Variants in SBF2 observed in about 807,000 individuals in gnomAD.
SBF2 encodes myotubularin-related protein 13.
Under a neutral mutation model 225.2 loss-of-function variants are expected in SBF2, and 112 were observed. The observed-to-expected ratio is 0.50, with a 90% confidence interval of 0.43 to 0.58. The LOEUF (loss-of-function observed/expected upper bound fraction) is 0.58. Ranked by LOEUF, SBF2 falls within the 20% of genes least tolerant of loss-of-function variation. The pLI, the probability that SBF2 is intolerant of heterozygous loss-of-function variation, is 0.00. For synonymous variants in SBF2, 763 were observed against 773.3 expected, an observed-to-expected ratio of 0.99 and a Z score of 0.22; for missense variants, 1,996 against 2,206.2, an observed-to-expected ratio of 0.90 and a Z score of 1.91.
At chr11:10,087,791 T>C (rs1303614424) in intron 2 of SBF2, among the ~76,000 whole-genome samples, 1 of 152,224 alleles carries the variant, frequency 6.6e-6, no homozygotes, top group South Asian at 2.1e-4. Context: ...CAATAGTGAC[T>C]GGAGTATTCC....
At chr11:10,070,922 A>G (rs1950841780) in intron 2 of SBF2, among the ~76,000 whole-genome samples, 1 of 152,102 alleles carries the variant, frequency 6.6e-6, no homozygotes, top group African/African-American at 2.4e-5. Flanking sequence ...CTTTGTAGCA[A>G]TTGTGAATGG....
intron 1 of SBF2, among the ~76,000 whole-genome samples, chr11:10,218,333 C>A (rs1290091289): frequency 9.5e-6 from 1 of 104,770 alleles, no homozygotes; most frequent in African/African-American, 3.4e-5. Flanking sequence ...CCCCCCCCCA[C>A]CCAATGATTC....
At chr11:9,875,734 A>G (rs910325820) in intron 17 of SBF2, among the ~76,000 whole-genome samples, 1 of 152,212 alleles carries the variant, frequency 6.6e-6, no homozygotes, top group African/African-American at 2.4e-5. Context: ...TATGCTGAAT[A>G]AGCTTCCCAA....
chr11:9,930,764 C>G (rs1012585888), intron 16 of SBF2, among the ~76,000 whole-genome samples: 3 of 152,204 alleles, frequency 2.0e-5, no homozygotes, highest in East Asian at 3.8e-4. Flanking sequence ...GTGGGTGCAG[C>G]CCACGGAGGG....
chr11:10,148,215 A>T (rs1447771813), intron 2 of SBF2, among the ~76,000 whole-genome samples: 1 of 152,164 alleles, frequency 6.6e-6, no homozygotes, highest in African/African-American at 2.4e-5. Flanking sequence ...GGTGGCGGTG[A>T]GCAGGAGTAT....
At chr11:10,038,746 T>C (rs1011399015) in intron 3 of SBF2, among the ~76,000 whole-genome samples, 3 of 152,018 alleles carry the variant, frequency 2.0e-5, no homozygotes, top group South Asian at 4.1e-4. Flanking sequence ...CTTTCTTTGA[T>C]GACAATTTGA....
chr11:9,818,588 G>A (rs1232618313), intron 28 of SBF2, among the ~76,000 whole-genome samples: 2 of 152,122 alleles, frequency 1.3e-5, no homozygotes. Flanking sequence ...TCTTTTCCTA[G>A]TATTAAAGTC....
At chr11:9,873,783 T>G (rs916242851) in intron 17 of SBF2, among the ~76,000 whole-genome samples, 1 of 152,188 alleles carries the variant, frequency 6.6e-6, no homozygotes, top group Non-Finnish European at 1.5e-5. Flanking sequence ...GCACGGTGGC[T>G]CACGCCTGTA....
At chr11:9,842,499 A>G (rs1468490278) in intron 25 of SBF2, 126 bp downstream of exon 25, 2 of 891,702 alleles carry the variant, frequency 2.2e-6, no homozygotes, top group Non-Finnish European at 3.6e-6. Flanking sequence ...GAAGCTGGTA[A>G]GTGCTTCCAT....
In SBF2 at chr11:9,856,564, G is replaced by C; in HGVS notation, c.2257C>G (p.Leu753Val). 6.2e-7 allele frequency: 1 copy of C among 1,614,088 alleles called. No individual in the cohort carries two copies. The highest frequency in any genetic ancestry group is 8.5e-7 in the Non-Finnish European group (1 of 1,180,016). Residue 753 changes from leucine to valine, a missense_variant, in exon 19 of 40, where the codon CTC (leucine) becomes GTC (valine). Transcript: ENST00000256190. ...AGTGGAACTAGCAGGTTCACCATGA[G>C]GTTTGCAAAGTGAATGGCCTGACTA... The part of the protein sequence containing the change: ...VFSQAIHFAN[L>V]MVNLLVPLDT...
chr11:10,109,283 A>C (rs576960589), intron 2 of SBF2, among the ~76,000 whole-genome samples: 1 of 152,328 alleles, frequency 6.6e-6, no homozygotes, highest in South Asian at 2.1e-4. Context: ...AAGGACCAAA[A>C]AATAATCCTT....
chr11:9,887,300 G>C (rs1860413311), intron 17 of SBF2, among the ~76,000 whole-genome samples: 1 of 151,892 alleles, frequency 6.6e-6, no homozygotes, highest in South Asian at 2.1e-4. Flanking sequence ...AAGTGTTCTA[G>C]AGCTTCTGAG....
At chr11:10,055,611 T>C (rs1950229573) in intron 2 of SBF2, among the ~76,000 whole-genome samples, 1 of 151,262 alleles carries the variant, frequency 6.6e-6, no homozygotes, top group African/African-American at 2.4e-5. Flanking sequence ...AACAAAATAA[T>C]GTTTTTTGCA....
chr11:10,072,504 G>A (rs530536620), intron 2 of SBF2, among the ~76,000 whole-genome samples: 3 of 151,792 alleles, frequency 2.0e-5, no homozygotes, highest in African/African-American at 7.3e-5. Flanking sequence ...TTGACAAATA[G>A]TAATAATTCT....
intron 14 of SBF2, among the ~76,000 whole-genome samples, chr11:9,967,969 CTCTATATATATATATA>C (rs993700876): frequency 5.7e-5 from 5 of 87,418 alleles, no homozygotes; most frequent in African/African-American, 1.9e-4. Flanking sequence ...CTCTCTCTCT[CTCTATATATATATATA>C]TATATAAAAT....
intron 16 of SBF2, among the ~76,000 whole-genome samples, chr11:9,944,265 T>G (rs1865442032): frequency 6.6e-6 from 1 of 152,196 alleles, no homozygotes; most frequent in East Asian, 1.9e-4. Context: ...AGAGGAAGAG[T>G]GAAAGCAGTT....
At chr11:9,956,640 T>C (rs1394718542) in intron 16 of SBF2, 1 of 151,438 alleles carries the variant, frequency 6.6e-6, no homozygotes, top group Non-Finnish European at 1.5e-5. Context: ...ACACAATTTG[T>C]TTATAGTAAG....
At chr11:9,937,340 A>T in intron 16 of SBF2, among the ~76,000 whole-genome samples, 1 of 152,200 alleles carries the variant, frequency 6.6e-6, no homozygotes, top group South Asian at 2.1e-4. Flanking sequence ...CAATGAAAAA[A>T]ATTTATCAAT....
intron 2 of SBF2, among the ~76,000 whole-genome samples, chr11:10,179,576 T>C (rs900992005): frequency 3.3e-5 from 5 of 152,162 alleles, no homozygotes; most frequent in South Asian, 2.1e-4. Context: ...TGTTTCTTTA[T>C]TGAACTTTCT....
Sources: allele counts gnomAD v4.1 joint callset (sites outside exome capture counted in the v4.1 genomes callset), GRCh38; gene constraint gnomAD v4.1.1; transcripts MANE v1.5; gene names NCBI Gene and HGNC (gene_info 2026-07-23, HGNC 2026-07-21).